SPOCK1: variants seen among roughly 807,000 people sequenced by gnomAD.
SPOCK1 encodes SPARC (osteonectin), cwcv and kazal like domains proteoglycan 1.
SPOCK1 carries 23 observed loss-of-function variants against 55.3 expected under a neutral mutation model. The observed-to-expected ratio is 0.42, with a 90% CI of 0.30 to 0.59. SPOCK1 has a LOEUF of 0.59. Ranked by LOEUF, SPOCK1 falls within the 20% of genes least tolerant of loss-of-function variation. The probability of loss-of-function intolerance (pLI) is 0.22; values close to 1 mark genes in which losing one functional copy is unlikely to be tolerated. For synonymous variants in SPOCK1, 226 were observed against 221.0 expected (o/e 1.02, Z -0.20); for missense variants, 499 against 552.5 (o/e 0.90, Z 0.97).
At chr5:137,213,545 C>A (rs1360133332) in intron 3 of SPOCK1, among the ~76,000 whole-genome samples, 1 of 152,192 alleles carries the variant, frequency 6.6e-6, no homozygotes, top group Non-Finnish European at 1.5e-5. Flanking sequence ...AAGTGGGTGA[C>A]AAGGCCAGGG....
At chr5:137,214,749 G>A (rs1021325517) in intron 3 of SPOCK1, among the ~76,000 whole-genome samples, 1 of 152,186 alleles carries the variant, frequency 6.6e-6, no homozygotes, top group Non-Finnish European at 1.5e-5. Flanking sequence ...ACGTGGTCAG[G>A]AAACTATATT....
intron 2 of SPOCK1, among the ~76,000 whole-genome samples, chr5:137,484,929 G>A (rs1044153763): frequency 5.9e-5 from 9 of 151,838 alleles, no homozygotes; most frequent in Non-Finnish European, 8.8e-5. Context: ...AAAAAGACGC[G>A]CCAAATCATA....
At chr5:137,461,068 G>T (rs1467368284) in intron 2 of SPOCK1, among the ~76,000 whole-genome samples, 8 of 152,314 alleles carry the variant, frequency 5.3e-5, no homozygotes, top group Middle Eastern at 3.4e-3. Context: ...TTGGTTTGTT[G>T]TCTGTGGCCC....
chr5:137,377,942 CTTTTTTTT>C (rs3043282), intron 2 of SPOCK1, among the ~76,000 whole-genome samples: 10 of 104,626 alleles, frequency 9.6e-5, no homozygotes, highest in Non-Finnish European at 1.8e-4. Flanking sequence ...TCACTTCTTC[CTTTTTTTT>C]TTTTTTTTTT....
intron 6 of SPOCK1, among the ~76,000 whole-genome samples, chr5:137,027,538 G>A (rs1336328614): frequency 2.0e-5 from 3 of 152,222 alleles, no homozygotes; most frequent in East Asian, 1.9e-4. Context: ...CTTGAAATGC[G>A]GCTAGTGTGA....
intron 6 of SPOCK1, among the ~76,000 whole-genome samples, chr5:137,002,721 C>T (rs891636517): frequency 6.6e-6 from 1 of 152,148 alleles, no homozygotes; most frequent in Admixed American, 6.5e-5. Context: ...CTAAAATCAG[C>T]AATGGCAAAT....
intron 2 of SPOCK1, among the ~76,000 whole-genome samples, chr5:137,305,148 G>T (rs998444136): frequency 2.0e-5 from 3 of 152,082 alleles, no homozygotes; most frequent in Non-Finnish European, 2.9e-5. Context: ...CCTTATTCAG[G>T]CTTATGTCTT....
intron 2 of SPOCK1, among the ~76,000 whole-genome samples, chr5:137,435,711 T>G (rs1044261487): frequency 2.6e-5 from 4 of 152,376 alleles, no homozygotes; most frequent in Middle Eastern, 6.8e-3. Context: ...GCCATCTTAC[T>G]GCCTTCACCA....
At chr5:137,156,660 T>C (rs958832655) in intron 3 of SPOCK1, among the ~76,000 whole-genome samples, 4 of 152,108 alleles carry the variant, frequency 2.6e-5, no homozygotes, top group Non-Finnish European at 2.9e-5. Context: ...CTGTGAAAGG[T>C]ATCTGGTAGG....
chr5:137,167,714 G>A (rs1457100338), intron 3 of SPOCK1, among the ~76,000 whole-genome samples: 1 of 151,980 alleles, frequency 6.6e-6, no homozygotes, highest in Non-Finnish European at 1.5e-5. Context: ...GCTCCTGAAT[G>A]ACCAGTGGAT....
At position 137,008,295 on chromosome 5, in the gene SPOCK1, TACACAC is replaced by T. The variant is rs141325417; in HGVS notation, c.590-15701_590-15696del. Among the ~76,000 whole-genome samples, 985 of 138,412 alleles carry T rather than the reference TACACAC, an allele frequency of 7.1e-3. 9 individuals carry two copies. Among genetic ancestry groups the T allele is most frequent in the African/African-American group, 0.024 (917 of 37,652 alleles). 90.8% of individuals were successfully genotyped at this position (138,412 alleles called of 152,430 possible). ...CCAGAACTTAAAGTATAATAATAAA[TACACAC>T]ACACACACACACACACACACACACA... On this transcript the variant is annotated intron_variant, in intron 6 of 10. Coordinates refer to ENST00000394945, the MANE Select transcript of SPOCK1 (RefSeq NM_004598.4).
At chr5:137,425,118 G>T (rs1752581187) in intron 2 of SPOCK1, among the ~76,000 whole-genome samples, 1 of 152,098 alleles carries the variant, frequency 6.6e-6, no homozygotes, top group South Asian at 2.1e-4. Flanking sequence ...GCTGTCCCTT[G>T]TTTCTATTGA....
At chr5:137,263,462 C>T (rs967087915) in intron 3 of SPOCK1, among the ~76,000 whole-genome samples, 8 of 152,172 alleles carry the variant, frequency 5.3e-5, no homozygotes, top group African/African-American at 9.7e-5. Flanking sequence ...CAACCAAAAG[C>T]TCTGGAATCA....
At chr5:137,300,373 T>A (rs1757565318) in intron 2 of SPOCK1, among the ~76,000 whole-genome samples, 1 of 152,226 alleles carries the variant, frequency 6.6e-6, no homozygotes, top group African/African-American at 2.4e-5. Context: ...GTCAGTTTCA[T>A]CTAATTGTCT....
At chr5:137,031,882 G>A (rs1480430646) in intron 6 of SPOCK1, among the ~76,000 whole-genome samples, 1 of 151,520 alleles carries the variant, frequency 6.6e-6, no homozygotes, top group Non-Finnish European at 1.5e-5. Flanking sequence ...CTAGCTTGTG[G>A]GTGAACTATC....
chr5:137,201,412 T>TG (rs1755422737), intron 3 of SPOCK1, among the ~76,000 whole-genome samples: 2 of 152,300 alleles, frequency 1.3e-5, no homozygotes, highest in African/African-American at 4.8e-5. Flanking sequence ...TTAATTCTAG[T>TG]GGGGGAGAAG....
intron 6 of SPOCK1, among the ~76,000 whole-genome samples, chr5:137,033,510 C>T (rs1470565901): frequency 6.6e-6 from 1 of 152,200 alleles, no homozygotes; most frequent in Non-Finnish European, 1.5e-5. Context: ...CTTCCCTTGT[C>T]CCCGGGACTC....
chr5:137,327,934 C>G (rs964170710), intron 2 of SPOCK1, among the ~76,000 whole-genome samples: 1 of 152,170 alleles, frequency 6.6e-6, no homozygotes, highest in African/African-American at 2.4e-5. Flanking sequence ...AAAATGAATA[C>G]ACTGTTCCTA....
At chr5:137,405,684 C>T (rs1040687153) in intron 2 of SPOCK1, among the ~76,000 whole-genome samples, 1 of 152,164 alleles carries the variant, frequency 6.6e-6, no homozygotes, top group Non-Finnish European at 1.5e-5. Context: ...CCGACAACAT[C>T]GAAATTGCAG....
Sources: allele counts gnomAD v4.1 joint callset (sites outside exome capture counted in the v4.1 genomes callset), GRCh38; gene constraint gnomAD v4.1.1; transcripts MANE v1.5; gene names NCBI Gene and HGNC (gene_info 2026-07-23, HGNC 2026-07-21).